MEGF10: variants seen among roughly 807,000 people sequenced by gnomAD.
The protein encoded by MEGF10 is multiple epidermal growth factor-like domains protein 10.
A neutral mutation model predicts 147.5 loss-of-function variants in MEGF10; 86 were observed. That is an observed-to-expected ratio of 0.58 (90% CI 0.49 to 0.70). The LOEUF (loss-of-function observed/expected upper bound fraction) is 0.70. Among genes scored for constraint, MEGF10 ranks in the 30% least tolerant of loss-of-function variants. The probability of loss-of-function intolerance (pLI) is 0.00; values close to 1 mark genes in which losing one functional copy is unlikely to be tolerated. For missense variants in MEGF10, 1,329 were observed against 1,487.3 expected (o/e 0.89, Z 1.75); for synonymous variants, 478 against 525.5 (o/e 0.91, Z 1.24).
At chr5:127,292,636 T>C (rs1410807311) in intron 1 of MEGF10, among the ~76,000 whole-genome samples, 2 of 152,174 alleles carry the variant, frequency 1.3e-5, no homozygotes, top group Non-Finnish European at 2.9e-5. Context: ...AAGGTGTATA[T>C]GGCAGAGCTG....
intron 9 of MEGF10, among the ~76,000 whole-genome samples, chr5:127,417,213 G>A (rs1764809710): frequency 6.6e-6 from 1 of 152,180 alleles, no homozygotes. Context: ...CAGGTATAGG[G>A]AACTGAGAGG....
chr5:127,364,758 C>G (rs768307529), intron 4 of MEGF10, among the ~76,000 whole-genome samples: 1 of 152,120 alleles, frequency 6.6e-6, no homozygotes, highest in Non-Finnish European at 1.5e-5. Context: ...CTTCCTCCTT[C>G]GAATCTTCTG....
intron 5 of MEGF10, among the ~76,000 whole-genome samples, chr5:127,395,241 GT>G (rs1192609574): frequency 6.6e-6 from 1 of 152,002 alleles, no homozygotes; most frequent in African/African-American, 2.4e-5. Flanking sequence ...TGGAATTGAA[GT>G]TTTTTTCCTT....
At position 127,368,383 on chromosome 5, in the gene MEGF10, T is replaced by G. The variant is rs74702089; in HGVS notation, c.320-1527T>G. On this transcript the variant is annotated intron_variant, in intron 4 of 24. Transcript: ENST00000503335. ...CCTAGGTGCTAAAGAGTTGTTCTGA[T>G]GATAGCAAGAGAGCTTGTGTTTTCC... 5.4e-3 allele frequency among the ~76,000 whole-genome samples: 819 copies of G among 152,332 alleles called. 7 individuals are homozygous for G. The highest frequency in any genetic ancestry group is 0.019 in the African/African-American group (769 of 41,564).
At chr5:127,353,288 A>G (rs545301599) in intron 4 of MEGF10, among the ~76,000 whole-genome samples, 1 of 152,358 alleles carries the variant, frequency 6.6e-6, no homozygotes, top group South Asian at 2.1e-4. Context: ...TAGGGACCTA[A>G]CCATTATTTA....
intron 1 of MEGF10, among the ~76,000 whole-genome samples, chr5:127,329,830 A>G (rs1329510458): frequency 6.6e-6 from 1 of 152,202 alleles, no homozygotes; most frequent in Non-Finnish European, 1.5e-5. Context: ...TAGTATGACA[A>G]TTAAACTTTT....
At chr5:127,265,523 T>C in the MEGF10 span, among the ~76,000 whole-genome samples, 7 of 152,304 alleles carry the variant, frequency 4.6e-5, no homozygotes, top group Admixed American at 4.6e-4. Context: ...TGAACTAGTA[T>C]GCAGTCCCAC....
chr5:127,240,975 AT>A, the MEGF10 span, among the ~76,000 whole-genome samples: 1 of 151,970 alleles, frequency 6.6e-6, no homozygotes, highest in Non-Finnish European at 1.5e-5. Context: ...AATGCAAAAG[AT>A]TTTTTCTTCT....
intron 1 of MEGF10, among the ~76,000 whole-genome samples, chr5:127,302,529 G>T (rs1331096516): frequency 6.6e-6 from 1 of 152,126 alleles, no homozygotes; most frequent in East Asian, 1.9e-4. Context: ...TAGGACAATG[G>T]AAATATTCCA....
intron 1 of MEGF10, among the ~76,000 whole-genome samples, chr5:127,322,894 C>A (rs1381487890): frequency 2.0e-5 from 3 of 152,028 alleles, no homozygotes; most frequent in Non-Finnish European, 4.4e-5. Context: ...GCACAAATTA[C>A]CCTTAAATGA....
rs1277039301 is a variant in MEGF10 at position 127,340,629 on chromosome 5, C to T, written c.318C>T (p.Val106=). Residue 106 remains valine, a splice_region_variant and synonymous_variant, in exon 4 of 25, where the codon GTC becomes GTT. Transcript: ENST00000503335. ...TTTATGAAAGCGGGGAAATGTGTGT[C>T]CGTAAGTAAGACTGTCACCCCTTTG... ...PGFYESGEMC[V]PHCADKCVHG... 1 of 1,611,376 alleles carries T rather than the reference C, an allele frequency of 6.2e-7. No homozygotes were observed. The highest frequency in any genetic ancestry group is 8.5e-7 in the Non-Finnish European group (1 of 1,178,014).
chr5:127,244,057 A>G, the MEGF10 span, among the ~76,000 whole-genome samples: 1 of 151,852 alleles, frequency 6.6e-6, no homozygotes, highest in South Asian at 2.1e-4. Flanking sequence ...TTAGCTGGGC[A>G]TGGTGGTGCA....
Position 127,432,699 on chromosome 5 carries a change from C to T in MEGF10, c.1694-664C>T, listed in dbSNP as rs187643568. ...GTCATTTTTTTTAATTCTAAAGTTT[C>T]TCAGTATTTAAAATTAGAGTTAAAC... On this transcript the variant is annotated intron_variant, in intron 13 of 24. Transcript: ENST00000503335. Among the ~76,000 whole-genome samples, 391 of 152,158 alleles carry T rather than the reference C, an allele frequency of 2.6e-3. 6 individuals carry two copies. The highest frequency in any genetic ancestry group is 9.0e-3 in the African/African-American group (374 of 41,516).
Position 127,443,140 on chromosome 5 carries a change from C to G in MEGF10, c.2491+14C>G. ...GATGTGATCAAGGTAAATATACTAG[C>G]TAATGTTTGTAGCACTGCAGTATTG... On this transcript the variant is annotated intron_variant, in intron 19 of 24. Transcript: ENST00000503335. 6.2e-7 allele frequency: 1 copy of G among 1,609,348 alleles called. No individual in the cohort carries two copies. The highest frequency in any genetic ancestry group is 8.5e-7 in the Non-Finnish European group (1 of 1,177,344).
intron 1 of MEGF10, among the ~76,000 whole-genome samples, chr5:127,315,540 C>T (rs376299041): frequency 6.6e-6 from 1 of 152,250 alleles, no homozygotes. Flanking sequence ...CTTTTGGAGG[C>T]TGATAGAGGT....
chr5:127,390,127 G>T (rs1017091957), intron 5 of MEGF10, among the ~76,000 whole-genome samples: 3 of 152,166 alleles, frequency 2.0e-5, no homozygotes, highest in African/African-American at 7.2e-5. Context: ...GATACCCACT[G>T]ATGCCATTTC....
At chr5:127,235,822 T>C in the MEGF10 span, among the ~76,000 whole-genome samples, 1 of 152,236 alleles carries the variant, frequency 6.6e-6, no homozygotes, top group African/African-American at 2.4e-5. Flanking sequence ...TTTTTATAGT[T>C]GCAAAAGAGC....
At chr5:127,351,915 C>G (rs570700508) in intron 4 of MEGF10, among the ~76,000 whole-genome samples, 2 of 152,166 alleles carry the variant, frequency 1.3e-5, no homozygotes, top group African/African-American at 4.8e-5. Flanking sequence ...CCATTATTGA[C>G]CTCCACACAT....
chr5:127,372,372 G>A (rs1257589842), intron 5 of MEGF10, among the ~76,000 whole-genome samples: 3 of 152,178 alleles, frequency 2.0e-5, no homozygotes, highest in African/African-American at 2.4e-5. Context: ...GCTCCTGTGT[G>A]CTCAAACCCA....
Sources: allele counts gnomAD v4.1 joint callset (sites outside exome capture counted in the v4.1 genomes callset), GRCh38; gene constraint gnomAD v4.1.1; transcripts MANE v1.5; gene names NCBI Gene and HGNC (gene_info 2026-07-23, HGNC 2026-07-21).